The following PHIP variants were observed in gnomAD, a reference collection of about 807,000 sequenced individuals.
PHIP encodes PHIP subunit of CUL4-Ring ligase complex, also known as PH-interacting protein.
A neutral mutation model predicts 236.8 loss-of-function variants in PHIP; 54 were observed. The ratio of observed to expected loss-of-function variants is 0.23; its 90% CI spans 0.18 to 0.29. The LOEUF (loss-of-function observed/expected upper bound fraction) is 0.29. PHIP is among the 10% of genes least tolerant of loss of function. The probability of loss-of-function intolerance (pLI) is 1.00; values close to 1 mark genes in which losing one functional copy is unlikely to be tolerated. For missense variants in PHIP, 1,370 were observed against 2,190.8 expected, an observed-to-expected ratio of 0.63 and a Z score of 7.48; for synonymous variants, 756 against 718.9, an observed-to-expected ratio of 1.05 and a Z score of -0.83.
At chr6:79,037,615 C>G (rs2127756690) in intron 7 of PHIP, among the ~76,000 whole-genome samples, 1 of 152,098 alleles carries the variant, frequency 6.6e-6, no homozygotes, top group Non-Finnish European at 1.5e-5. Context: ...GAAGGGGATC[C>G]CAGGCAAAGT....
rs181109219 is a variant in PHIP, at chr6:78,955,014, A to G, written c.3904-51T>C. On this transcript the variant is annotated intron_variant, in intron 34 of 39. Transcript: ENST00000275034. The stretch of plus-strand genomic sequence containing the variant: ...TAATAAAAGAGCACTTACACAATAA[A>G]ATTTGTACTTTTAATGTAGTCTTAG... The G allele has an allele frequency of 5.8e-4, 772 of 1,339,876 alleles. 4 individuals are homozygous for G. In the African/African-American group the frequency reaches 0.01, roughly 18 times the overall value. The allele number at this position is 1,339,876 out of a possible 1,614,324, so 83.0% of individuals were successfully genotyped here. A position where few individuals can be genotyped will look rare whatever the true frequency, so the allele number is the denominator to read the frequency against.
intron 24 of PHIP, among the ~76,000 whole-genome samples, chr6:78,973,945 C>T (rs528602726): frequency 0.037 from 5,581 of 151,752 alleles, 102 homozygotes; most frequent in Middle Eastern, 0.058. Flanking sequence ...TAACACCCCA[C>T]TGTCAACATT....
intron 4 of PHIP, among the ~76,000 whole-genome samples, chr6:79,074,198 A>G (rs531038342): frequency 2.2e-4 from 34 of 152,250 alleles, no homozygotes; most frequent in Non-Finnish European, 4.4e-4. Context: ...GGCAAGTATC[A>G]CTATTTTACA....
Position 78,963,081 on chromosome 6 carries a change from G to T in PHIP, c.3535+16C>A. 4 of 1,558,976 alleles carry T rather than the reference G, an allele frequency of 2.6e-6. No individual in the cohort carries two copies. The highest frequency in any genetic ancestry group is 3.5e-6 in the Non-Finnish European group (4 of 1,155,930). On this transcript the variant is annotated intron_variant, in intron 30 of 39. Coordinates refer to ENST00000275034, the MANE Select transcript of PHIP (RefSeq NM_017934.7). ...TTCTGCCAGTTTTTTCTATACTCGCGTGTTGCTTTACTTACCTAGTGTCAT... is the reference window on the plus strand; with the variant it reads ...TTCTGCCAGTTTTTTCTATACTCGCTTGTTGCTTTACTTACCTAGTGTCAT...
intron 25 of PHIP, 23 bp downstream of exon 25, chr6:78,970,758 T>C: frequency 7.0e-7 from 1 of 1,431,832 alleles, no homozygotes; most frequent in Non-Finnish European, 9.7e-7. Flanking sequence ...TTGGGGCTAT[T>C]AAATAATAAA....
chr6:79,042,578 TTGATA>T (rs1772277806), intron 7 of PHIP, among the ~76,000 whole-genome samples: 1 of 152,070 alleles, frequency 6.6e-6, no homozygotes, highest in African/African-American at 2.4e-5. Flanking sequence ...AACTGTGTAT[TTGATA>T]TATGTTGAGA....
intron 6 of PHIP, among the ~76,000 whole-genome samples, chr6:79,049,776 T>A (rs2127764908): frequency 6.6e-6 from 1 of 152,294 alleles, no homozygotes; most frequent in Admixed American, 6.5e-5. Context: ...GAGAGTAATG[T>A]CTATAAAAAT....
rs368000937 is a variant in PHIP, at chr6:78,946,745, T to C, written c.4336A>G (p.Arg1446Gly). 6 of 1,589,758 alleles carry C rather than the reference T, an allele frequency of 3.8e-6. No homozygotes were observed. The African/African-American group carries it at 6.9e-5, about 18-fold the overall frequency. Residue 1446 changes from arginine (R) to glycine (G), a missense_variant, in exon 37 of 40, where the codon AGA becomes GGA. Around this residue, in one of 14 missense-constraint regions of PHIP, gnomAD observed 125 missense variants for 235.1 expected, o/e 0.53. Transcript: ENST00000275034. ...GCACTACTGGAAACAGAGCTGCTTC[T>C]GTTTCTTTTCTTCCTCCTTTTGGTT... ...TITKRRKKRN[R>G]SSSVSSSAAS...
chr6:78,942,025 A>C (rs887680865), intron 39 of PHIP, among the ~76,000 whole-genome samples: 4 of 152,020 alleles, frequency 2.6e-5, no homozygotes, highest in Non-Finnish European at 2.9e-5. Context: ...CCAGTAACTA[A>C]CTCTCTTTCC....
intron 19 of PHIP, among the ~76,000 whole-genome samples, chr6:78,991,596 A>G (rs1234400743): frequency 6.6e-6 from 1 of 152,168 alleles, no homozygotes; most frequent in Non-Finnish European, 1.5e-5. Context: ...AATATCTTAC[A>G]ACTTTAAAGT....
chr6:78,973,046 G>A (rs576057858), intron 24 of PHIP, among the ~76,000 whole-genome samples: 25 of 152,148 alleles, frequency 1.6e-4, no homozygotes, highest in South Asian at 4.2e-4. Context: ...GATACTCCTC[G>A]AGAAGAGCAA....
chr6:78,997,436 C>T lies in PHIP; in HGVS notation c.2179G>A (p.Glu727Lys). The change falls in exon 19 of 40, where the codon GAG becomes AAG. Residue 727 changes from glutamate (E) to lysine (K), a missense_variant. Coordinates refer to ENST00000275034, the MANE Select transcript of PHIP (RefSeq NM_017934.7). ...TACCTGGCTACACCAGCTGATAGCT[C>T]GGGTACTACCACCCTTCGACTCCAA... ...VAWSRRVVVP[E>K]LSAGVASRQE... 1.2e-6 allele frequency: 2 copies of T among 1,613,812 alleles called. No homozygotes were observed. Among genetic ancestry groups the T allele is most frequent in the Non-Finnish European group, 1.7e-6 (2 of 1,179,838 alleles).
intron 4 of PHIP, 23 bp downstream of exon 4, chr6:79,077,425 G>A (rs1334281480): frequency 2.6e-5 from 41 of 1,581,562 alleles, no homozygotes; most frequent in Non-Finnish European, 3.5e-5. Context: ...AAGTTTCTTT[G>A]CTCTGCGACG....
intron 7 of PHIP, among the ~76,000 whole-genome samples, chr6:79,027,283 C>T (rs1467597704): frequency 6.6e-6 from 1 of 152,078 alleles, no homozygotes; most frequent in Non-Finnish European, 1.5e-5. Context: ...AAAACACCCC[C>T]CAATTAACGA....
intron 7 of PHIP, 111 bp downstream of exon 7, chr6:79,042,732 C>A: frequency 1.5e-6 from 1 of 687,610 alleles, no homozygotes; most frequent in East Asian, 3.1e-5. Context: ...ACCTGAATTT[C>A]CGGTTTCCTA....
At chr6:79,054,086 A>C (rs927950842) in intron 6 of PHIP, among the ~76,000 whole-genome samples, 2 of 151,612 alleles carry the variant, frequency 1.3e-5, no homozygotes, top group African/African-American at 4.8e-5. Flanking sequence ...TACATCTGAT[A>C]CTTTGGCATA....
intron 7 of PHIP, among the ~76,000 whole-genome samples, chr6:79,041,883 T>C (rs1212702857): frequency 6.6e-6 from 1 of 152,086 alleles, no homozygotes; most frequent in Non-Finnish European, 1.5e-5. Context: ...GTTTTACAGA[T>C]GACTGGGTGT....
intron 7 of PHIP, 105 bp downstream of exon 7, chr6:79,042,738 T>G: frequency 6.7e-6 from 5 of 749,382 alleles, no homozygotes; most frequent in Non-Finnish European, 1.0e-5. Flanking sequence ...ATTTCCGGTT[T>G]CCTATTAAAA....
In PHIP at chr6:78,952,441, GA is replaced by G. The variant is rs1337922667; in HGVS notation, c.4053+2372del. ...CCAAAAAAAAAAGAAAAAAAAAAAA[GA>G]AAAAAAAAAAGGAAAAAAAAATTCT... is the stretch of plus-strand genomic sequence containing the variant. On this transcript the variant is annotated intron_variant, in intron 35 of 39. Coordinates refer to ENST00000275034, the MANE Select transcript of PHIP (RefSeq NM_017934.7). 6.7e-3 allele frequency among the ~76,000 whole-genome samples: 813 copies of G among 120,884 alleles called. 7 individuals are homozygous for G. The highest frequency in any genetic ancestry group is 0.022 in the African/African-American group (707 of 32,830). The allele number at this position is 120,884 out of a possible 152,430, so 79.3% of individuals were successfully genotyped here. A position where few individuals can be genotyped will look rare whatever the true frequency, so the allele number is the denominator to read the frequency against.
Sources: gnomAD v4.1 joint callset for allele counts (sites outside exome capture counted in the v4.1 genomes callset) on GRCh38, gnomAD v4.1.1 for gene constraint, gnomAD v4.1.1 regional missense constraint, MANE v1.5 for transcripts, NCBI Gene and HGNC (gene_info 2026-07-23, HGNC 2026-07-21) for gene names.